Variants in EPHB2 observed in about 807,000 individuals in gnomAD.
EPHB2 encodes EPH receptor B2, also known as ephrin type-B receptor 2.
Under a neutral mutation model 96.4 loss-of-function variants are expected in EPHB2, and 18 were observed. The ratio of observed to expected loss-of-function variants is 0.19; its 90% CI spans 0.13 to 0.28. EPHB2 has a LOEUF of 0.28. Among genes scored for constraint, EPHB2 ranks in the 10% least tolerant of loss-of-function variants. The pLI is 1.00. For synonymous variants in EPHB2, 506 were observed against 534.1 expected, an observed-to-expected ratio of 0.95 and a Z score of 0.72; for missense variants, 989 against 1,355.4, an observed-to-expected ratio of 0.73 and a Z score of 4.25.
chr1:22,781,512 A>G, intron 2 of EPHB2, 27 bp downstream of exon 2: 1 of 1,612,368 alleles, frequency 6.2e-7, no homozygotes, highest in Non-Finnish European at 8.5e-7. Flanking sequence ...CAAACCTTGC[A>G]TTGGTCCCCA....
In EPHB2 at chr1:22,858,070, C is replaced by A. The variant is rs1232653286; in HGVS notation, c.812-4967C>A. ...TAGCCAGGGTGGTCAGGGTGGGCCT[C>A]TCGGAGGAGGTGGCATTTAAGCTGG... On this transcript the variant is annotated intron_variant, in intron 3 of 15. Coordinates refer to ENST00000374630, the MANE Select transcript of EPHB2 (RefSeq NM_017449.5). This position sits in a 1 kb window ranked among gnomAD's most constrained non-coding sequence, Gnocchi z 7.7. Among the ~76,000 whole-genome samples the A allele has an allele frequency of 2.6e-5, 4 of 152,084 alleles. No individual in the cohort carries two copies. The highest frequency in any genetic ancestry group is 3.2e-3 in the Middle Eastern group (1 of 316).
intron 3 of EPHB2, among the ~76,000 whole-genome samples, chr1:22,837,954 G>T (rs1645408631): frequency 6.6e-6 from 1 of 151,996 alleles, no homozygotes; most frequent in Admixed American, 6.6e-5. Context: ...CCAAGGTGGG[G>T]CTTGGCCTCA....
intron 3 of EPHB2, among the ~76,000 whole-genome samples, chr1:22,831,355 C>T (rs1645300935): frequency 6.6e-6 from 1 of 152,072 alleles, no homozygotes; most frequent in Admixed American, 6.5e-5. Flanking sequence ...TTGCTACCTC[C>T]CCCCTTAGCA....
At chr1:22,823,848 G>A (rs141238513) in intron 3 of EPHB2, among the ~76,000 whole-genome samples, 25 of 152,370 alleles carry the variant, frequency 1.6e-4, no homozygotes, top group African/African-American at 6.0e-4. Context: ...ATATGTATGA[G>A]AGGAATGGAA....
Position 22,738,861 on chromosome 1 carries a change from G to A in EPHB2, c.61+27818G>A, listed in dbSNP as rs117126622. Among the ~76,000 whole-genome samples the A allele has an allele frequency of 3.7e-3, 561 of 152,222 alleles. 17 individuals are homozygous for A. In the East Asian group the frequency reaches 0.064, roughly 17 times the overall value. ...CATGATGCGGGAACCTCTAGACCAA[G>A]GTGCCCCCACAGTCCTTGAACGGTT... On this transcript the variant is annotated intron_variant, in intron 1 of 15. Transcript: ENST00000374630.
chr1:22,798,180 A>G (rs1644793807), intron 3 of EPHB2, among the ~76,000 whole-genome samples: 1 of 152,134 alleles, frequency 6.6e-6, no homozygotes, highest in Non-Finnish European at 1.5e-5. Flanking sequence ...TACTTGTTGC[A>G]GAGTCCCACC....
intron 1 of EPHB2, among the ~76,000 whole-genome samples, chr1:22,768,693 TAA>T (rs796407924): frequency 8.7e-5 from 12 of 138,456 alleles, no homozygotes; most frequent in African/African-American, 7.8e-5. Flanking sequence ...CTGTCTCCAT[TAA>T]AAAAAAAAAA....
intron 1 of EPHB2, among the ~76,000 whole-genome samples, chr1:22,763,678 G>A (rs531070896): frequency 1.4e-4 from 22 of 152,296 alleles, no homozygotes; most frequent in Admixed American, 1.4e-3. Context: ...TTAGTTTCTT[G>A]TTGCTGCTAT....
chr1:22,756,982 A>G (rs753735673), intron 1 of EPHB2, among the ~76,000 whole-genome samples: 4 of 152,152 alleles, frequency 2.6e-5, no homozygotes, highest in Admixed American at 6.5e-5. Context: ...AAATGCCTAA[A>G]TGATGTTTAG....
Position 22,788,395 on chromosome 1 carries a change from T to C in EPHB2, c.811+3319T>C, listed in dbSNP as rs144303329. Among the ~76,000 whole-genome samples, 1,107 of 152,160 alleles carry C rather than the reference T, an allele frequency of 7.3e-3. 13 individuals carry two copies. Among genetic ancestry groups the C allele is most frequent in the African/African-American group, 0.025 (1,052 of 41,506 alleles). ...GTGTGAGTGGGGTCCAGTCAGGGTG[T>C]GATTAATGAGCTCAGGGAGCCCAGA... On this transcript the variant is annotated intron_variant, in intron 3 of 15. Coordinates refer to ENST00000374630, the MANE Select transcript of EPHB2 (RefSeq NM_017449.5).
At chr1:22,783,362 G>A (rs1289123224) in intron 2 of EPHB2, among the ~76,000 whole-genome samples, 1 of 152,232 alleles carries the variant, frequency 6.6e-6, no homozygotes, top group Non-Finnish European at 1.5e-5. Flanking sequence ...TACCCCAGGT[G>A]AAGCCAGCCA....
chr1:22,731,157 A>C (rs1050249726), intron 1 of EPHB2, among the ~76,000 whole-genome samples: 1 of 152,114 alleles, frequency 6.6e-6, no homozygotes, highest in Non-Finnish European at 1.5e-5. Context: ...TTCTAATGTA[A>C]ATTGATAATG....
At position 22,921,170 on chromosome 1, in the gene EPHB2, C is replaced by T. The variant is rs1434115161; in HGVS notation, c.*7600C>T. On this transcript the variant is annotated 3_prime_UTR_variant, in exon 16 of 16. Coordinates refer to ENST00000374630, the MANE Select transcript of EPHB2 (RefSeq NM_017449.5). ...GCTGTGGGAGTGAGTGTGCACACTC[C>T]TTCTCCTGAAGTGTCTGCCCCAGCC... 1 of 152,278 alleles carries T rather than the reference C, an allele frequency of 6.6e-6. No individual in the cohort carries two copies. Among genetic ancestry groups the T allele is most frequent in the African/African-American group, 2.4e-5 (1 of 41,462 alleles). 9.4% of individuals were successfully genotyped at this position (152,278 alleles called of 1,614,324 possible).
chr1:22,756,373 A>G (rs4654813), intron 1 of EPHB2, among the ~76,000 whole-genome samples: 140,823 of 152,060 alleles, frequency 0.93, 66,171 homozygotes, highest in East Asian at 1. Context: ...CCCTGGGAGA[A>G]GCACAAGGAG....
At chr1:22,902,707 A>G (rs1639788794) in intron 9 of EPHB2, among the ~76,000 whole-genome samples, 1 of 152,242 alleles carries the variant, frequency 6.6e-6, no homozygotes. Context: ...AAAAGGGTAA[A>G]CTAAGCCCTC....
intron 3 of EPHB2, among the ~76,000 whole-genome samples, chr1:22,788,207 G>T (rs932684447): frequency 2.0e-5 from 3 of 152,230 alleles, no homozygotes; most frequent in Non-Finnish European, 4.4e-5. Context: ...GCATAGGCAG[G>T]TTCTCAGAGT....
intron 1 of EPHB2, among the ~76,000 whole-genome samples, chr1:22,764,592 GA>G (rs1644280873): frequency 6.6e-6 from 1 of 151,968 alleles, no homozygotes; most frequent in Admixed American, 6.6e-5. Flanking sequence ...CTAAAAATAC[GA>G]AAATTACCTG....
chr1:22,795,719 C>T (rs974138851), intron 3 of EPHB2, among the ~76,000 whole-genome samples: 2 of 152,112 alleles, frequency 1.3e-5, no homozygotes, highest in Non-Finnish European at 2.9e-5. Flanking sequence ...AAACTGAGGA[C>T]ACGAGGAGGC....
rs570966214 is a variant in EPHB2 at position 22,873,106 on chromosome 1, A to G, written c.1303+7894A>G. On this transcript the variant is annotated intron_variant, in intron 5 of 15. Transcript: ENST00000374630. ...GCCACTGCCACAGTAGTGCTGGTTA[A>G]CAATCAACCATTAACCACAAAGCCG... Among the ~76,000 whole-genome samples the G allele has an allele frequency of 2.6e-5, 4 of 152,384 alleles. No homozygotes were observed. The South Asian group carries it at 8.3e-4, about 32-fold the overall frequency.
Sources: gnomAD v4.1 joint callset for allele counts (sites outside exome capture counted in the v4.1 genomes callset) on GRCh38, gnomAD v4.1.1 for gene constraint, Gnocchi (gnomAD v3.1) non-coding constraint, MANE v1.5 for transcripts, NCBI Gene and HGNC (gene_info 2026-07-23, HGNC 2026-07-21) for gene names.